Variants in RASGEF1C observed in about 807,000 individuals in gnomAD.
RASGEF1C encodes the protein RasGEF domain family member 1C, also known as ras-GEF domain-containing family member 1C.
Under a neutral mutation model 58.1 loss-of-function variants are expected in RASGEF1C, and 27 were observed. The ratio of observed to expected loss-of-function variants is 0.46; its 90% CI spans 0.34 to 0.64. The LOEUF is 0.64. RASGEF1C is among the 30% of genes least tolerant of loss of function. The probability of loss-of-function intolerance (pLI) is 0.01; values close to 1 mark genes in which losing one functional copy is unlikely to be tolerated. For synonymous variants in RASGEF1C, 243 were observed against 246.3 expected (o/e 0.99, Z 0.13); for missense variants, 502 against 605.1 (o/e 0.83, Z 1.79).
chr5:180,146,630 C>T (rs773418545), intron 1 of RASGEF1C, among the ~76,000 whole-genome samples: 5 of 151,592 alleles, frequency 3.3e-5, no homozygotes, highest in African/African-American at 9.7e-5. Context: ...GATTGATTTT[C>T]GTATGTTGAA....
chr5:180,206,625 C>T (rs1040405727), intron 1 of RASGEF1C, among the ~76,000 whole-genome samples: 5 of 152,048 alleles, frequency 3.3e-5, no homozygotes, highest in African/African-American at 1.2e-4. Flanking sequence ...AATATAGGTG[C>T]AAAGTTATCC....
At chr5:180,165,297 GTTTTA>G (rs1265134034) in intron 1 of RASGEF1C, among the ~76,000 whole-genome samples, 1 of 152,070 alleles carries the variant, frequency 6.6e-6, no homozygotes, top group Admixed American at 6.6e-5. Context: ...GAAGGCTATT[GTTTTA>G]TTTTATTAAA....
intron 1 of RASGEF1C, among the ~76,000 whole-genome samples, chr5:180,152,575 AGG>A (rs1356902390): frequency 2.0e-5 from 1 of 49,180 alleles, no homozygotes; most frequent in East Asian, 7.6e-4. Flanking sequence ...GGGTGGGGGG[AGG>A]GGGGAGGGAT....
Position 180,127,429 on chromosome 5 carries a change from G to A in RASGEF1C, c.714+180C>T, listed in dbSNP as rs541748679. 1.1e-4 allele frequency among the ~76,000 whole-genome samples: 17 copies of A among 152,350 alleles called. No individual in the cohort carries two copies. The East Asian group carries it at 2.9e-3, about 26-fold the overall frequency. On this transcript the variant is annotated intron_variant, in intron 6 of 13. Coordinates refer to ENST00000361132, the MANE Select transcript of RASGEF1C (RefSeq NM_175062.4). ...CAGGCTTTCCGGGGACTCGGGACTC[G>A]GTTGTCGTGGTGCGCCCCCGAGCTG...
chr5:180,120,095 G>T (rs138683735), intron 7 of RASGEF1C, among the ~76,000 whole-genome samples: 2 of 152,204 alleles, frequency 1.3e-5, no homozygotes, highest in African/African-American at 4.8e-5. Context: ...GGTGGGGCCC[G>T]CGTTGCATTC....
chr5:180,144,484 T>C (rs751732764), intron 1 of RASGEF1C, among the ~76,000 whole-genome samples: 1 of 152,148 alleles, frequency 6.6e-6, no homozygotes, highest in African/African-American at 2.4e-5. Context: ...AAAAAGTTTT[T>C]AAAAATTAGG....
chr5:180,190,568 A>G (rs1450324254), intron 1 of RASGEF1C, among the ~76,000 whole-genome samples: 1 of 121,930 alleles, frequency 8.2e-6, no homozygotes. Flanking sequence ...GGCCCCAACT[A>G]CTTGGGGGGC....
Position 180,192,820 on chromosome 5 carries a change from C to T in RASGEF1C, c.-7+16208G>A, listed in dbSNP as rs140562226. Among the ~76,000 whole-genome samples the T allele has an allele frequency of 3.4e-3, 509 of 151,694 alleles. 2 individuals are homozygous for T. Among genetic ancestry groups the T allele is most frequent in the African/African-American group, 0.011 (462 of 41,404 alleles). On this transcript the variant is annotated intron_variant, in intron 1 of 13. Transcript: ENST00000361132. ...AGTGCAGTGTCGCAATCTCGGCTCA[C>T]TGCAAGCTCCGCCTCCTGGGTTCAC...
intron 1 of RASGEF1C, among the ~76,000 whole-genome samples, chr5:180,192,742 T>G (rs934307461): frequency 1.1e-4 from 11 of 101,872 alleles, no homozygotes; most frequent in Non-Finnish European, 2.3e-4. Flanking sequence ...AGTGTTTTTT[T>G]GTTTTTTGTT....
chr5:180,167,082 C>T lies in RASGEF1C; in HGVS notation c.-6-29024G>A, dbSNP rs189144611. On this transcript the variant is annotated intron_variant, in intron 1 of 13. Transcript: ENST00000361132. ...TCTGCTTGAGATTCATCCTGTCTGGCGGGTTCTTGAACTGTAAGTTTATGT... is the reference window on the plus strand; with the variant it reads ...TCTGCTTGAGATTCATCCTGTCTGGTGGGTTCTTGAACTGTAAGTTTATGT... Among the ~76,000 whole-genome samples the T allele has an allele frequency of 2.1e-4, 32 of 152,198 alleles. 1 individual carries two copies. In the Middle Eastern group the frequency reaches 0.01, roughly 49 times the overall value.
chr5:180,146,394 G>A lies in RASGEF1C; in HGVS notation c.-6-8336C>T, dbSNP rs144857367. On this transcript the variant is annotated intron_variant, in intron 1 of 13. Coordinates refer to ENST00000361132, the MANE Select transcript of RASGEF1C (RefSeq NM_175062.4). Reference sequence around the variant, plus strand: ...TCCAACTCCTGAGCTCAAGTGATCCGTTCAAAGTGTTGGGATTACAGGCAT... The same window carrying A: ...TCCAACTCCTGAGCTCAAGTGATCCATTCAAAGTGTTGGGATTACAGGCAT... Among the ~76,000 whole-genome samples, 62 of 152,206 alleles carry A rather than the reference G, an allele frequency of 4.1e-4. No homozygotes were observed. In the East Asian group the frequency reaches 9.3e-3, roughly 23 times the overall value.
chr5:180,164,279 T>C (rs1412877590), intron 1 of RASGEF1C, among the ~76,000 whole-genome samples: 1 of 152,128 alleles, frequency 6.6e-6, no homozygotes, highest in Non-Finnish European at 1.5e-5. Context: ...TTTGGGTCTA[T>C]TTTGCTCCTC....
At chr5:180,147,544 G>A (rs924654035) in intron 1 of RASGEF1C, among the ~76,000 whole-genome samples, 3 of 152,056 alleles carry the variant, frequency 2.0e-5, no homozygotes, top group Admixed American at 6.6e-5. Flanking sequence ...CTTGGGACTT[G>A]TTCTTCAATG....
At chr5:180,206,050 T>C (rs1055123367) in intron 1 of RASGEF1C, among the ~76,000 whole-genome samples, 2 of 152,140 alleles carry the variant, frequency 1.3e-5, no homozygotes, top group Non-Finnish European at 2.9e-5. Context: ...TGCCTTTAAA[T>C]ATATTTTTTC....
At position 180,142,991 on chromosome 5, in the gene RASGEF1C, C is replaced by T. The variant is rs145843394; in HGVS notation, c.-6-4933G>A. Among the ~76,000 whole-genome samples the T allele has an allele frequency of 9.6e-3, 1,466 of 152,268 alleles. 25 individuals carry two copies. The highest frequency in any genetic ancestry group is 0.024 in the Middle Eastern group (7 of 294). On this transcript the variant is annotated intron_variant, in intron 1 of 13. Transcript: ENST00000361132. ...GTGGCTGAGGCATGAGCTTCTGCCT[C>T]GGTTTCCCTCTCCATGGCTCCTGTC... is the stretch of plus-strand genomic sequence containing the variant.
At chr5:180,179,106 G>C (rs1396236850) in intron 1 of RASGEF1C, among the ~76,000 whole-genome samples, 1 of 152,214 alleles carries the variant, frequency 6.6e-6, no homozygotes, top group African/African-American at 2.4e-5. Context: ...GGAGAGTCGT[G>C]GGTCTGGATC....
At chr5:180,205,916 G>C (rs1756479567) in intron 1 of RASGEF1C, among the ~76,000 whole-genome samples, 1 of 152,030 alleles carries the variant, frequency 6.6e-6, no homozygotes, top group Non-Finnish European at 1.5e-5. Context: ...ATATATTTTG[G>C]TAGAGACAAG....
At position 180,101,273 on chromosome 5, in the gene RASGEF1C, C is replaced by T. The variant is rs577277658; in HGVS notation, c.*228G>A. On this transcript the variant is annotated 3_prime_UTR_variant, in exon 14 of 14. Coordinates refer to ENST00000361132, the MANE Select transcript of RASGEF1C (RefSeq NM_175062.4). ...GGCAGGATGTCCCCAAGGCATGTGC[C>T]GCCCGCACGTCTGGAGGCCCTGGGT... 43 of 584,612 alleles carry T rather than the reference C, an allele frequency of 7.4e-5. No individual in the cohort carries two copies. Among genetic ancestry groups the T allele is most frequent in the African/African-American group, 3.9e-4 (21 of 53,476 alleles). The allele number at this position is 584,612 out of a possible 1,614,324, so 36.2% of individuals were successfully genotyped here.
chr5:180,106,412 A>G (rs373141438), intron 12 of RASGEF1C, among the ~76,000 whole-genome samples: 2 of 152,096 alleles, frequency 1.3e-5, no homozygotes, highest in Non-Finnish European at 2.9e-5. Flanking sequence ...TTTCTAATGT[A>G]TGCATTTGGT....
Sources: allele counts gnomAD v4.1 joint callset (sites outside exome capture counted in the v4.1 genomes callset), GRCh38; gene constraint gnomAD v4.1.1; transcripts MANE v1.5; gene names NCBI Gene and HGNC (gene_info 2026-07-23, HGNC 2026-07-21).